Variants in SIDT1 observed in about 807,000 individuals in gnomAD.
SIDT1 encodes the protein SID1 transmembrane family member 1.
Under a neutral mutation model 107.5 loss-of-function variants are expected in SIDT1, and 101 were observed. The observed-to-expected ratio is 0.94, with a 90% CI of 0.80 to 1.11. The LOEUF is 1.11. Among genes scored for constraint, SIDT1 ranks in the 50% least tolerant of loss-of-function variants. The pLI is 0.00. For synonymous variants in SIDT1, 395 were observed against 398.2 expected, an observed-to-expected ratio of 0.99 and a Z score of 0.10; for missense variants, 1,076 against 1,058.2, an observed-to-expected ratio of 1.02 and a Z score of -0.23.
chr3:113,607,149 T>C, intron 15 of SIDT1, 35 bp downstream of exon 15: 1 of 1,334,490 alleles, frequency 7.5e-7, no homozygotes, highest in Non-Finnish European at 1.1e-6. Flanking sequence ...ATGAGGCATT[T>C]AGAGATGCCT....
At chr3:113,546,672 T>C (rs1041390052) in intron 1 of SIDT1, among the ~76,000 whole-genome samples, 1 of 152,238 alleles carries the variant, frequency 6.6e-6, no homozygotes, top group African/African-American at 2.4e-5. Flanking sequence ...ACTTTTGGTT[T>C]CAACTGTTAT....
chr3:113,550,519 T>A (rs764076908), intron 1 of SIDT1, among the ~76,000 whole-genome samples: 1 of 152,222 alleles, frequency 6.6e-6, no homozygotes, highest in African/African-American at 2.4e-5. Context: ...ATTGATGTCA[T>A]GTGCCATCAT....
At chr3:113,636,865 A>G in the SIDT1 span, among the ~76,000 whole-genome samples, 3 of 152,206 alleles carry the variant, frequency 2.0e-5, no homozygotes, top group African/African-American at 4.8e-5. Context: ...TCTCACATGC[A>G]GGAGAGGCGG....
chr3:113,626,436 G>T (rs1946855791), intron 24 of SIDT1, among the ~76,000 whole-genome samples: 1 of 152,032 alleles, frequency 6.6e-6, no homozygotes, highest in East Asian at 1.9e-4. Context: ...TTTAGACACA[G>T]AGGGACAAAA....
chr3:113,565,582 G>A (rs996699154), intron 1 of SIDT1, among the ~76,000 whole-genome samples: 3 of 152,102 alleles, frequency 2.0e-5, no homozygotes, highest in African/African-American at 4.8e-5. Flanking sequence ...TAAATCCAAA[G>A]TTACATTCAC....
At chr3:113,568,541 C>T (rs2107378214) in intron 3 of SIDT1, among the ~76,000 whole-genome samples, 1 of 150,788 alleles carries the variant, frequency 6.6e-6, no homozygotes, top group African/African-American at 2.4e-5. Flanking sequence ...TTGCAGTGAG[C>T]CGAGATCGCG....
At chr3:113,620,452 T>C (rs1946393218) in intron 21 of SIDT1, among the ~76,000 whole-genome samples, 2 of 152,136 alleles carry the variant, frequency 1.3e-5, no homozygotes, top group African/African-American at 2.4e-5. Context: ...TAACTGCTTT[T>C]ATTTGTAGCT....
chr3:113,538,878 G>A (rs1024676220), intron 1 of SIDT1, among the ~76,000 whole-genome samples: 1 of 152,166 alleles, frequency 6.6e-6, no homozygotes, highest in Admixed American at 6.5e-5. Context: ...GTCAAAGGTG[G>A]TATGGTATAT....
At chr3:113,542,045 T>G (rs1938962188) in intron 1 of SIDT1, among the ~76,000 whole-genome samples, 3 of 151,110 alleles carry the variant, frequency 2.0e-5, no homozygotes, top group Non-Finnish European at 4.4e-5. Context: ...TGCCTCAGCC[T>G]CCCCAGTAGC....
intron 3 of SIDT1, among the ~76,000 whole-genome samples, chr3:113,573,218 C>A (rs1485651563): frequency 6.6e-6 from 1 of 152,166 alleles, no homozygotes; most frequent in East Asian, 1.9e-4. Flanking sequence ...AGGGAAGTGA[C>A]AGCACATTCC....
At chr3:113,575,389 G>A (rs1049263950) in intron 3 of SIDT1, among the ~76,000 whole-genome samples, 4 of 152,202 alleles carry the variant, frequency 2.6e-5, no homozygotes, top group African/African-American at 9.7e-5. Context: ...GGTAACACCG[G>A]GAGACACTCC....
intron 1 of SIDT1, among the ~76,000 whole-genome samples, chr3:113,556,544 A>G (rs1019841121): frequency 6.6e-6 from 1 of 152,214 alleles, no homozygotes; most frequent in African/African-American, 2.4e-5. Flanking sequence ...AGTGCTAAAA[A>G]GTAGATTGAA....
intron 10 of SIDT1, among the ~76,000 whole-genome samples, chr3:113,597,271 T>C (rs1576902507): frequency 6.6e-6 from 1 of 151,692 alleles, no homozygotes; most frequent in African/African-American, 2.4e-5. Context: ...CCGAGGCGGG[T>C]GGATTGCCTA....
At chr3:113,550,944 G>T (rs1940163720) in intron 1 of SIDT1, among the ~76,000 whole-genome samples, 1 of 152,030 alleles carries the variant, frequency 6.6e-6, no homozygotes, top group African/African-American at 2.4e-5. Context: ...GCCCCAATGT[G>T]TGTTGCTCCC....
chr3:113,623,739 A>C lies in SIDT1; in HGVS notation c.2307+6A>C. Reference sequence around the variant, plus strand: ...AGAATCTCAGCAGCTGGGAGGTAAGAGGCCAGTTTTCTTATCCAAAAACAA... The same window carrying C: ...AGAATCTCAGCAGCTGGGAGGTAAGCGGCCAGTTTTCTTATCCAAAAACAA... On this transcript the variant is annotated splice_donor_region_variant and intron_variant, in intron 23 of 24. Transcript: ENST00000264852. 6.2e-7 allele frequency: 1 copy of C among 1,603,652 alleles called. No individual in the cohort carries two copies. Among genetic ancestry groups the C allele is most frequent in the Non-Finnish European group, 8.5e-7 (1 of 1,170,964 alleles).
intron 4 of SIDT1, among the ~76,000 whole-genome samples, chr3:113,577,916 C>CA (rs1351178045): frequency 5.3e-5 from 8 of 152,170 alleles, no homozygotes; most frequent in Non-Finnish European, 1.2e-4. Context: ...TGATTTTAAG[C>CA]TCCCATTGTG....
intron 1 of SIDT1, among the ~76,000 whole-genome samples, chr3:113,539,482 A>T (rs995461824): frequency 1.2e-4 from 18 of 151,564 alleles, no homozygotes; most frequent in African/African-American, 3.7e-4. Flanking sequence ...CAGTCTGGGA[A>T]CTAGGGGTCC....
At chr3:113,557,548 C>T (rs1941011785) in intron 1 of SIDT1, among the ~76,000 whole-genome samples, 1 of 152,036 alleles carries the variant, frequency 6.6e-6, no homozygotes, top group Admixed American at 6.6e-5. Context: ...CATGTAACAA[C>T]AGAGGCAGAG....
intron 9 of SIDT1, among the ~76,000 whole-genome samples, chr3:113,586,251 A>C (rs894315178): frequency 6.6e-6 from 1 of 152,240 alleles, no homozygotes; most frequent in African/African-American, 2.4e-5. Context: ...AATTATTAAG[A>C]ATAATGAATT....
Sources: gnomAD v4.1 joint callset for allele counts (sites outside exome capture counted in the v4.1 genomes callset) on GRCh38, gnomAD v4.1.1 for gene constraint, MANE v1.5 for transcripts, NCBI Gene and HGNC (gene_info 2026-07-23, HGNC 2026-07-21) for gene names.